The following RTN4 variants were observed in gnomAD, a reference collection of about 807,000 sequenced individuals.
RTN4 encodes the protein reticulon 4, also known as reticulon-4.
A neutral mutation model predicts 90.4 loss-of-function variants in RTN4; 32 were observed. That is an observed-to-expected ratio of 0.35 (90% CI 0.27 to 0.48). The LOEUF is 0.48. RTN4 is among the 20% of genes least tolerant of loss of function. RTN4 has a pLI of 0.99. For missense variants in RTN4, 1,706 were observed against 1,430.2 expected, an observed-to-expected ratio of 1.19 and a Z score of -3.11; for synonymous variants, 629 against 552.5, an observed-to-expected ratio of 1.14 and a Z score of -1.94.
chr2:55,077,044 G>A (rs906129514), intron 2 of RTN4, among the ~76,000 whole-genome samples: 13 of 145,630 alleles, frequency 8.9e-5, no homozygotes, highest in African/African-American at 2.3e-4. Context: ...GGAGTTTGTC[G>A]CTCTGTCGTC....
intron 3 of RTN4, among the ~76,000 whole-genome samples, chr2:55,014,245 G>A (rs1680862269): frequency 6.6e-6 from 1 of 151,878 alleles, no homozygotes; most frequent in African/African-American, 2.4e-5. Context: ...GCAAAACAAC[G>A]AGCATTTTAA....
At chr2:55,127,003 C>G in the RTN4 span, among the ~76,000 whole-genome samples, 1 of 152,022 alleles carries the variant, frequency 6.6e-6, no homozygotes, top group African/African-American at 2.4e-5. Flanking sequence ...ACACTGGGGT[C>G]TACTTGAGGG....
intron 1 of RTN4, among the ~76,000 whole-genome samples, chr2:55,106,720 A>G (rs1043143592): frequency 7.2e-5 from 11 of 152,010 alleles, no homozygotes; most frequent in Middle Eastern, 3.2e-3. Context: ...GGGTTTCACC[A>G]TGTTGGCTAG....
intron 1 of RTN4, among the ~76,000 whole-genome samples, chr2:55,093,166 C>G (rs1398517318): frequency 6.6e-6 from 1 of 152,088 alleles, no homozygotes; most frequent in Non-Finnish European, 1.5e-5. Flanking sequence ...AGTGACAGCT[C>G]TTTAATGAAG....
rs1681751316 is a variant in RTN4 at position 55,025,342 on chromosome 2, A to C, written c.2757T>G (p.Leu919=). The change falls in exon 3 of 9, where the codon CTT becomes CTG. Residue 919 remains leucine, a synonymous_variant. Coordinates refer to ENST00000337526, the MANE Select transcript of RTN4 (RefSeq NM_020532.5). ...SLPCTELPHD[L]SLKNIQPKVE... is the part of the protein sequence containing the mutation. The stretch of plus-strand genomic sequence containing the variant: ...CTTTGGGTTGTATGTTCTTCAAAGA[A>C]AGGTCATGGGGCAATTCTGTGCAAG... The C allele has an allele frequency of 6.2e-7, 1 of 1,613,964 alleles. No homozygotes were observed. Among genetic ancestry groups the C allele is most frequent in the African/African-American group, 1.3e-5 (1 of 75,026 alleles).
rs114660034 is a variant in RTN4 at position 54,998,064 on chromosome 2, A to C, written c.3014-10366T>G. Among the ~76,000 whole-genome samples the C allele has an allele frequency of 7.9e-3, 1,200 of 152,220 alleles. 16 individuals are homozygous for C. Among genetic ancestry groups the C allele is most frequent in the African/African-American group, 0.028 (1,152 of 41,518 alleles). Reference sequence around the variant, plus strand: ...CAGATGAATCTTGAAAACATATGCTAAGTGAAAGAAGCCAGTCACAAAAGG... The same window carrying C: ...CAGATGAATCTTGAAAACATATGCTCAGTGAAAGAAGCCAGTCACAAAAGG... On this transcript the variant is annotated intron_variant, in intron 3 of 8. Transcript: ENST00000337526.
At position 55,015,414 on chromosome 2, in the gene RTN4, AC is replaced by A. The variant is rs377646572; in HGVS notation, c.3013+9671del. Among the ~76,000 whole-genome samples, 1,189 of 152,332 alleles carry A rather than the reference AC, an allele frequency of 7.8e-3. 17 individuals carry two copies. The highest frequency in any genetic ancestry group is 0.027 in the African/African-American group (1,141 of 41,572). ...AAAAAATATATTTTCCTTTGTGAAA[AC>A]TGAAAATGTCCACTGAAATGTAAAC... On this transcript the variant is annotated intron_variant, in intron 3 of 8. Coordinates refer to ENST00000337526, the MANE Select transcript of RTN4 (RefSeq NM_020532.5).
intron 1 of RTN4, among the ~76,000 whole-genome samples, chr2:55,037,600 T>C (rs1682780380): frequency 6.6e-6 from 1 of 152,192 alleles, no homozygotes; most frequent in Admixed American, 6.5e-5. Context: ...CTGTGAGTAA[T>C]AAAGTCCTCT....
chr2:55,111,233 G>A (rs912821955), intron 1 of RTN4, among the ~76,000 whole-genome samples: 2 of 151,632 alleles, frequency 1.3e-5, no homozygotes, highest in African/African-American at 2.4e-5. Flanking sequence ...TGGAATACTT[G>A]CATGAAAAAA....
At chr2:55,127,930 G>C in the RTN4 span, among the ~76,000 whole-genome samples, 1 of 150,440 alleles carries the variant, frequency 6.6e-6, no homozygotes, top group African/African-American at 2.4e-5. Context: ...TTTTTTTTTG[G>C]ACACAGGGTC....
chr2:55,115,511 C>T (rs1229602962), upstream of RTN4, among the ~76,000 whole-genome samples: 1 of 152,152 alleles, frequency 6.6e-6, no homozygotes, highest in Non-Finnish European at 1.5e-5. Flanking sequence ...CACGATTTTG[C>T]CCACCACACT....
At chr2:55,047,575 GA>G (rs5831333) in intron 1 of RTN4, among the ~76,000 whole-genome samples, 136,994 of 150,112 alleles carry the variant, frequency 0.91, 62,579 homozygotes, top group Middle Eastern at 0.98. Flanking sequence ...AGTGAATTGA[GA>G]AAAAAAAAAA....
intron 3 of RTN4, among the ~76,000 whole-genome samples, chr2:54,988,933 T>G (rs1470387829): frequency 6.6e-6 from 1 of 152,216 alleles, no homozygotes; most frequent in Non-Finnish European, 1.5e-5. Flanking sequence ...CATAGGCTGA[T>G]GTAATTAATC....
intron 2 of RTN4, among the ~76,000 whole-genome samples, chr2:55,058,866 A>AT (rs71410412): frequency 0.43 from 65,648 of 151,122 alleles, 15,100 homozygotes; most frequent in East Asian, 0.68. Context: ...TTTTTTGATA[A>AT]TTTTTTTTTT....
rs200400496 is a variant in RTN4, at chr2:55,027,096, C to T, written c.1003G>A (p.Val335Ile). The change falls in exon 3 of 9, where the codon GTT becomes ATT. Residue 335 changes from valine to isoleucine, a missense_variant. By Grantham distance (29) the Val-to-Ile change is conservative (BLOSUM62 3). Transcript: ENST00000337526. The stretch of plus-strand genomic sequence containing the variant: ...TGATTATGAAGGATGTTATTACTAA[C>T]TAACTTCTCTTCTTCATCTTTATTT... ...VKNKDEEEKL[V>I]SNNILHNQQE... is the part of the protein sequence containing the mutation. The T allele has an allele frequency of 5.6e-6, 9 of 1,613,144 alleles. No homozygotes were observed. Among genetic ancestry groups the T allele is most frequent in the Non-Finnish European group, 7.6e-6 (9 of 1,179,692 alleles).
intron 1 of RTN4, among the ~76,000 whole-genome samples, chr2:55,032,858 A>C (rs1057232000): frequency 2.6e-5 from 4 of 151,874 alleles, no homozygotes; most frequent in Non-Finnish European, 4.4e-5. Flanking sequence ...GTGAGACCCT[A>C]TCTCTACAAA....
chr2:55,125,877 C>A, the RTN4 span, among the ~76,000 whole-genome samples: 1 of 150,418 alleles, frequency 6.6e-6, no homozygotes, highest in African/African-American at 2.5e-5. Flanking sequence ...CTGGCTAACA[C>A]AGTGAAACCC....
chr2:55,056,841 C>T (rs903086888), intron 2 of RTN4, among the ~76,000 whole-genome samples: 25 of 152,148 alleles, frequency 1.6e-4, no homozygotes, highest in African/African-American at 5.6e-4. Context: ...GTAAAAAACA[C>T]AGGTCGGAAT....
At chr2:55,021,082 A>G (rs984777148) in intron 3 of RTN4, among the ~76,000 whole-genome samples, 2 of 152,242 alleles carry the variant, frequency 1.3e-5, no homozygotes, top group African/African-American at 4.8e-5. Flanking sequence ...GTTTAAATGC[A>G]TATACATTAA....
Sources: gnomAD v4.1 joint callset for allele counts (sites outside exome capture counted in the v4.1 genomes callset) on GRCh38, gnomAD v4.1.1 for gene constraint, MANE v1.5 for transcripts, NCBI Gene and HGNC (gene_info 2026-07-23, HGNC 2026-07-21) for gene names.